ZNF385C: variants seen among roughly 807,000 people sequenced by gnomAD.
ZNF385C encodes the protein CTD-2132N18.2.
A neutral mutation model predicts 35.4 loss-of-function variants in ZNF385C; 28 were observed. That is an observed-to-expected ratio of 0.79 (90% CI 0.59 to 1.08). The LOEUF is 1.08. Ranked by LOEUF, ZNF385C falls within the 50% of genes least tolerant of loss-of-function variation. The probability of loss-of-function intolerance (pLI) is 0.00; values close to 1 mark genes in which losing one functional copy is unlikely to be tolerated. For synonymous variants in ZNF385C, 248 were observed against 248.2 expected, an observed-to-expected ratio of 1.00 and a Z score of 0.01; for missense variants, 605 against 595.6, an observed-to-expected ratio of 1.02 and a Z score of -0.16.
rs77081845 is a variant in ZNF385C, at chr17:42,073,786, G to A, written c.-2-10728C>T. 5.4e-3 allele frequency among the ~76,000 whole-genome samples: 828 copies of A among 152,318 alleles called. 13 individuals carry two copies. The highest frequency in any genetic ancestry group is 0.019 in the African/African-American group (800 of 41,562). On this transcript the variant is annotated intron_variant, in intron 1 of 8. Coordinates refer to ENST00000692273, the MANE Select transcript of ZNF385C (RefSeq NM_001392013.1). ...AGAGCAAGAAAGAGCCAAGGAAAGC[G>A]GACACAGAGGGCTCTTGCAGCCAAA... is the stretch of plus-strand genomic sequence containing the variant.
chr17:42,051,505 A>G (rs1277459444), intron 2 of ZNF385C, among the ~76,000 whole-genome samples: 1 of 151,956 alleles, frequency 6.6e-6, no homozygotes, highest in African/African-American at 2.4e-5. Flanking sequence ...CTTAGCTATG[A>G]GCCTGTTTCC....
At chr17:42,056,753 G>A (rs1555657566) in intron 2 of ZNF385C, among the ~76,000 whole-genome samples, 1 of 152,132 alleles carries the variant, frequency 6.6e-6, no homozygotes, top group African/African-American at 2.4e-5. Flanking sequence ...GATCTGATGG[G>A]TTTATGAGGG....
Position 42,027,046 on chromosome 17 carries a change from A to G in ZNF385C, c.1363T>C (p.Cys455Arg), listed in dbSNP as rs1240853649. Reference protein sequence around the residue: ...SPLPTAATAICALPGPLALRP... With the variant: ...SPLPTAATAIRALPGPLALRP... Reference sequence around the variant, plus strand: ...AGGGCCAGGGGCCCTGGCAGAGCACAGATGGCAGTGGCTGCGGTGGGGAGC... The same window carrying G: ...AGGGCCAGGGGCCCTGGCAGAGCACGGATGGCAGTGGCTGCGGTGGGGAGC... Residue 455 changes from cysteine to arginine, a missense_variant, in exon 9 of 9, where the codon TGT becomes CGT. By Grantham distance (180) the Cys-to-Arg change is radical. Transcript: ENST00000692273. 1.9e-6 allele frequency: 3 copies of G among 1,609,272 alleles called. No homozygotes were observed. The highest frequency in any genetic ancestry group is 3.4e-5 in the Admixed American group (2 of 59,494).
Position 42,050,648 on chromosome 17 carries a change from G to A in ZNF385C, c.250+12159C>T, listed in dbSNP as rs1230575354. On this transcript the variant is annotated intron_variant, in intron 2 of 8. Coordinates refer to ENST00000692273, the MANE Select transcript of ZNF385C (RefSeq NM_001392013.1). This position sits in a 1 kb window ranked among gnomAD's most constrained non-coding sequence, Gnocchi z 5.6. ...GCGACAGCAGCCACTAGCGGCAACG[G>A]GGGCGAAGAGGCGCCAGCAGCCAGC... is the stretch of plus-strand genomic sequence containing the variant. The A allele has an allele frequency of 1.3e-5, 2 of 151,874 alleles. No individual in the cohort carries two copies. Among genetic ancestry groups the A allele is most frequent in the African/African-American group, 4.8e-5 (2 of 41,398 alleles). 9.4% of individuals were successfully genotyped at this position (151,874 alleles called of 1,614,324 possible).
intron 2 of ZNF385C, among the ~76,000 whole-genome samples, chr17:42,052,472 C>T (rs546715536): frequency 4.6e-5 from 7 of 152,086 alleles, no homozygotes; most frequent in Admixed American, 1.3e-4. Flanking sequence ...TATCTACACA[C>T]GAGATGTGTA....
At chr17:42,075,580 C>T (rs1217354688) in intron 1 of ZNF385C, among the ~76,000 whole-genome samples, 2 of 151,200 alleles carry the variant, frequency 1.3e-5, no homozygotes, top group African/African-American at 2.4e-5. Context: ...CTGCAAGCTC[C>T]GCCTCCCGGG....
chr17:42,027,103 T>G lies in ZNF385C; in HGVS notation c.1306A>C (p.Lys436Gln). The change falls in exon 9 of 9, where the codon AAG becomes CAG. Residue 436 changes from lysine (K) to glutamine (Q), a missense_variant. Physicochemically the swap from Lys to Gln is moderately conservative, Grantham distance 53. Coordinates refer to ENST00000692273, the MANE Select transcript of ZNF385C (RefSeq NM_001392013.1). Reference sequence around the variant, plus strand: ...GGCAGGAAGCGGGCTGCCAACGTCTTGGTGAGTTGCTTCTGCAAGGCCAGT... The same window carrying G: ...GGCAGGAAGCGGGCTGCCAACGTCTGGGTGAGTTGCTTCTGCAAGGCCAGT... ...SKLALQKQLT[K>Q]TLAARFLPSP... The G allele has an allele frequency of 6.2e-7, 1 of 1,613,294 alleles. No individual in the cohort carries two copies. Among genetic ancestry groups the G allele is most frequent in the South Asian group, 1.1e-5 (1 of 91,024 alleles).
At chr17:42,068,036 G>T (rs2053572881) in intron 1 of ZNF385C, among the ~76,000 whole-genome samples, 1 of 152,172 alleles carries the variant, frequency 6.6e-6, no homozygotes, top group Non-Finnish European at 1.5e-5. Context: ...TGGGCTAATT[G>T]TGTTCCCCCC....
chr17:42,043,300 T>G, intron 2 of ZNF385C: 1 of 1,232,278 alleles, frequency 8.1e-7, no homozygotes, highest in Non-Finnish European at 1.0e-6. Context: ...CTCTTTCCAG[T>G]GCTCGTTGAA....
intron 1 of ZNF385C, among the ~76,000 whole-genome samples, chr17:42,083,166 A>G (rs571777924): frequency 1.3e-5 from 2 of 152,260 alleles, no homozygotes; most frequent in Admixed American, 6.5e-5. Flanking sequence ...GCTTGCCAGC[A>G]TAATTTCACA....
intron 2 of ZNF385C, among the ~76,000 whole-genome samples, chr17:42,055,684 C>T (rs782789721): frequency 2.0e-5 from 3 of 152,104 alleles, no homozygotes; most frequent in Non-Finnish European, 2.9e-5. Context: ...GGAGGGCTTC[C>T]GGGGCCTCCT....
intron 2 of ZNF385C, among the ~76,000 whole-genome samples, chr17:42,042,500 T>C (rs1555656224): frequency 1.3e-5 from 2 of 151,358 alleles, no homozygotes; most frequent in African/African-American, 4.9e-5. Flanking sequence ...CCAGCCTGGG[T>C]GACAGAGTGA....
rs2143759023 is a variant in ZNF385C at position 42,050,803 on chromosome 17, C to A, written c.250+12004G>T. ...ACCCCCCAGCCCCTGCCGCCCCACG[C>A]GCGGCAGCAGGAGCCAGAGGCTAGA... On this transcript the variant is annotated intron_variant, in intron 2 of 8. Coordinates refer to ENST00000692273, the MANE Select transcript of ZNF385C (RefSeq NM_001392013.1). The surrounding 1 kb of genome is among the most constrained non-coding windows in gnomAD (Gnocchi z 5.6). Among the ~76,000 whole-genome samples, 1 of 151,662 alleles carries A rather than the reference C, an allele frequency of 6.6e-6. No homozygotes were observed. Among genetic ancestry groups the A allele is most frequent in the South Asian group, 2.1e-4 (1 of 4,828 alleles).
At chr17:42,092,141 G>A (rs1555660602) in intron 1 of ZNF385C, among the ~76,000 whole-genome samples, 2 of 152,146 alleles carry the variant, frequency 1.3e-5, no homozygotes, top group East Asian at 3.9e-4. Flanking sequence ...GGTTCATGAC[G>A]GTAATCTTAG....
chr17:42,092,471 C>T (rs1250425563), intron 1 of ZNF385C, among the ~76,000 whole-genome samples: 1 of 152,064 alleles, frequency 6.6e-6, no homozygotes. Context: ...CTGTATACTG[C>T]AAAGTTCTGT....
intron 1 of ZNF385C, among the ~76,000 whole-genome samples, chr17:42,096,746 C>A (rs1283619796): frequency 1.3e-5 from 2 of 152,166 alleles, no homozygotes; most frequent in Non-Finnish European, 2.9e-5. Flanking sequence ...CACTGAGGCA[C>A]AGCCCAAGTG....
chr17:42,028,012 C>G lies in ZNF385C; in HGVS notation c.1164+38G>C, dbSNP rs782286924. On this transcript the variant is annotated intron_variant, in intron 7 of 8. Coordinates refer to ENST00000692273, the MANE Select transcript of ZNF385C (RefSeq NM_001392013.1). ...GCTGCCCTGCCCCCCAACCCCCTCCCCTGGCTCCAACCCCAGTCACAGCCT... is the reference window on the plus strand; with the variant it reads ...GCTGCCCTGCCCCCCAACCCCCTCCGCTGGCTCCAACCCCAGTCACAGCCT... The G allele has an allele frequency of 4.4e-6, 7 of 1,606,100 alleles. 1 individual carries two copies. The East Asian group carries it at 1.3e-4, about 31-fold the overall frequency.
intron 2 of ZNF385C, chr17:42,038,614 A>G (rs1555655720): frequency 6.6e-6 from 1 of 152,450 alleles, no homozygotes; most frequent in Non-Finnish European, 1.5e-5. Context: ...ATATCAGAAA[A>G]AAAAAAAAAT....
Position 42,026,815 on chromosome 17 carries a change from C to T in ZNF385C, c.*82G>A. ...CTGAAGCTGTTCACAGTCCCTGTGG[C>T]ATGTAGGAAACCAAGGTGTCTCAGG... On this transcript the variant is annotated 3_prime_UTR_variant, in exon 9 of 9. Coordinates refer to ENST00000692273, the MANE Select transcript of ZNF385C (RefSeq NM_001392013.1). 1 of 1,341,588 alleles carries T rather than the reference C, an allele frequency of 7.5e-7. No homozygotes were observed. Among genetic ancestry groups the T allele is most frequent in the Non-Finnish European group, 1.0e-6 (1 of 955,808 alleles). 83.1% of individuals were successfully genotyped at this position (1,341,588 alleles called of 1,614,324 possible).
Sources: gnomAD v4.1 joint callset for allele counts (sites outside exome capture counted in the v4.1 genomes callset) on GRCh38, gnomAD v4.1.1 for gene constraint, Gnocchi (gnomAD v3.1) non-coding constraint, MANE v1.5 for transcripts, NCBI Gene and HGNC (gene_info 2026-07-23, HGNC 2026-07-21) for gene names.